Variants in IGFBP7 observed in about 807,000 individuals in gnomAD.
The protein encoded by IGFBP7 is insulin like growth factor binding protein 7, also known as insulin-like growth factor-binding protein 7.
A neutral mutation model predicts 29.4 loss-of-function variants in IGFBP7; 31 were observed. That is an observed-to-expected ratio of 1.05 (90% CI 0.79 to 1.42). The LOEUF (loss-of-function observed/expected upper bound fraction) is 1.42. IGFBP7 is among the 40% of genes most tolerant of loss of function. IGFBP7 has a pLI of 0.00. For missense variants in IGFBP7, 393 were observed against 395.5 expected (o/e 0.99, Z 0.05); for synonymous variants, 172 against 174.9 (o/e 0.98, Z 0.13).
chr4:57,105,539 A>T (rs1394892904), intron 1 of IGFBP7, among the ~76,000 whole-genome samples: 2 of 152,254 alleles, frequency 1.3e-5, no homozygotes, highest in African/African-American at 2.4e-5. Flanking sequence ...TTCTATGGAT[A>T]ATATTCATGA....
At chr4:57,041,949 A>T (rs1486486612) in intron 1 of IGFBP7, among the ~76,000 whole-genome samples, 5 of 152,108 alleles carry the variant, frequency 3.3e-5, no homozygotes, top group Admixed American at 3.3e-4. Flanking sequence ...AGAGTGACTG[A>T]TCTATTGGGT....
intron 1 of IGFBP7, among the ~76,000 whole-genome samples, chr4:57,074,512 C>T (rs900357521): frequency 1.3e-5 from 2 of 152,206 alleles, no homozygotes; most frequent in Non-Finnish European, 1.5e-5. Context: ...ATAGGCTTCA[C>T]CCATTTCTCT....
rs530436538 is a variant in IGFBP7, at chr4:57,086,131, C to T, written c.475+23746G>A. Among the ~76,000 whole-genome samples, 10 of 152,320 alleles carry T rather than the reference C, an allele frequency of 6.6e-5. 1 individual carries two copies. The South Asian group carries it at 2.1e-3, about 32-fold the overall frequency. On this transcript the variant is annotated intron_variant, in intron 1 of 4. Transcript: ENST00000295666. ...AGGCAAAGGAGGAGCAAAGGTACAT[C>T]TTACATGGTGTCAGGCAAGAGAGCA...
chr4:57,076,137 C>T (rs757835488), intron 1 of IGFBP7, among the ~76,000 whole-genome samples: 45 of 152,172 alleles, frequency 3.0e-4, no homozygotes, highest in Non-Finnish European at 5.0e-4. Flanking sequence ...AGATGGCTGC[C>T]TTCTTGCTGT....
intron 1 of IGFBP7, among the ~76,000 whole-genome samples, chr4:57,070,786 T>C (rs563489620): frequency 2.6e-5 from 4 of 152,330 alleles, no homozygotes; most frequent in South Asian, 4.1e-4. Context: ...GCAGGGGTAA[T>C]GAGCATTGGA....
At chr4:57,103,074 C>T (rs968208243) in intron 1 of IGFBP7, among the ~76,000 whole-genome samples, 1 of 152,174 alleles carries the variant, frequency 6.6e-6, no homozygotes, top group Admixed American at 6.5e-5. Context: ...TTTTCACTCC[C>T]AAGTAGCAAG....
chr4:57,032,569 A>G lies in IGFBP7; in HGVS notation c.703-17T>C, dbSNP rs371869416. On this transcript the variant is annotated splice_polypyrimidine_tract_variant and intron_variant, in intron 3 of 4. Coordinates refer to ENST00000295666, the MANE Select transcript of IGFBP7 (RefSeq NM_001553.3). ...AGGAGATACCTGTGAAAGAAAAAAG[A>G]TCTAGTATTCCTCTGTGGTGGTCTT... 6.3e-7 allele frequency: 1 copy of G among 1,586,768 alleles called. No individual in the cohort carries two copies. The highest frequency in any genetic ancestry group is 8.7e-7 in the Non-Finnish European group (1 of 1,155,002).
intron 2 of IGFBP7, among the ~76,000 whole-genome samples, chr4:57,035,252 A>C (rs1724055108): frequency 6.6e-6 from 1 of 152,226 alleles, no homozygotes; most frequent in Non-Finnish European, 1.5e-5. Context: ...ATTTAACATA[A>C]ATCACAATAT....
intron 1 of IGFBP7, among the ~76,000 whole-genome samples, chr4:57,067,691 A>G (rs1255655008): frequency 6.6e-6 from 1 of 152,216 alleles, no homozygotes; most frequent in East Asian, 1.9e-4. Flanking sequence ...TTCTATCACA[A>G]AACACATCAA....
At chr4:57,087,439 T>C (rs1457592188) in intron 1 of IGFBP7, among the ~76,000 whole-genome samples, 2 of 152,246 alleles carry the variant, frequency 1.3e-5, no homozygotes, top group African/African-American at 2.4e-5. Context: ...TAAAATACTT[T>C]ATATTTTGCT....
rs1396756309 is a variant in IGFBP7, at chr4:57,073,640, C to G, written c.476-32707G>C. 2.0e-5 allele frequency among the ~76,000 whole-genome samples: 3 copies of G among 151,830 alleles called. No individual in the cohort carries two copies. The East Asian group carries it at 5.8e-4, about 29-fold the overall frequency. On this transcript the variant is annotated intron_variant, in intron 1 of 4. Coordinates refer to ENST00000295666, the MANE Select transcript of IGFBP7 (RefSeq NM_001553.3). Reference sequence around the variant, plus strand: ...ATAAATAAATAACAACAAAATGCCCCAGAACTGCCCAAGATTACTAGTGTC... The same window carrying G: ...ATAAATAAATAACAACAAAATGCCCGAGAACTGCCCAAGATTACTAGTGTC...
intron 1 of IGFBP7, among the ~76,000 whole-genome samples, chr4:57,096,970 T>C (rs1168680963): frequency 6.6e-6 from 1 of 152,260 alleles, no homozygotes; most frequent in Admixed American, 6.5e-5. Context: ...AAGCCAAAGA[T>C]AATACTCAAT....
At chr4:57,059,183 A>G (rs544070008) in intron 1 of IGFBP7, among the ~76,000 whole-genome samples, 2 of 152,182 alleles carry the variant, frequency 1.3e-5, no homozygotes, top group Non-Finnish European at 2.9e-5. Context: ...GGAAAGCAGT[A>G]TGGCGACTCC....
At chr4:57,066,512 G>C (rs1272041387) in intron 1 of IGFBP7, among the ~76,000 whole-genome samples, 1 of 152,064 alleles carries the variant, frequency 6.6e-6, no homozygotes, top group Non-Finnish European at 1.5e-5. Flanking sequence ...AGGCTGCTAA[G>C]TTTTGGACTA....
At chr4:57,086,408 C>A (rs568135762) in intron 1 of IGFBP7, among the ~76,000 whole-genome samples, 1 of 152,176 alleles carries the variant, frequency 6.6e-6, no homozygotes, top group Non-Finnish European at 1.5e-5. Flanking sequence ...CCCTTCCACC[C>A]TTTGGGTCCC....
chr4:57,056,852 C>T (rs896261662), intron 1 of IGFBP7, among the ~76,000 whole-genome samples: 1 of 152,240 alleles, frequency 6.6e-6, no homozygotes, highest in Non-Finnish European at 1.5e-5. Context: ...GAAATCTCTG[C>T]ATTGGCACTT....
chr4:57,047,356 GA>G (rs1159650058), intron 1 of IGFBP7, among the ~76,000 whole-genome samples: 1 of 152,162 alleles, frequency 6.6e-6, no homozygotes, highest in African/African-American at 2.4e-5. Context: ...CAGCCTCATG[GA>G]GCTGTGAGTC....
In IGFBP7 at chr4:57,031,084, T is replaced by C; in HGVS notation, c.*233A>G. ...ATGACAAATATGTACTGTGTTGTGA[T>C]AAAAAGTATTTTATTTGTTTAATGA... On this transcript the variant is annotated 3_prime_UTR_variant, in exon 5 of 5. Coordinates refer to ENST00000295666, the MANE Select transcript of IGFBP7 (RefSeq NM_001553.3). 1 of 813,160 alleles carries C rather than the reference T, an allele frequency of 1.2e-6. No homozygotes were observed. Among genetic ancestry groups the C allele is most frequent in the Non-Finnish European group, 2.1e-6 (1 of 480,166 alleles). The allele number at this position is 813,160 out of a possible 1,614,324, so 50.4% of individuals were successfully genotyped here.
chr4:57,072,678 A>C, intron 1 of IGFBP7: 1 of 377,864 alleles, frequency 2.6e-6, no homozygotes, highest in Non-Finnish European at 5.1e-6. Context: ...GCTGCCCGGT[A>C]CCTTGTGGGC....
Sources: gnomAD v4.1 joint callset for allele counts (sites outside exome capture counted in the v4.1 genomes callset) on GRCh38, gnomAD v4.1.1 for gene constraint, MANE v1.5 for transcripts, NCBI Gene and HGNC (gene_info 2026-07-23, HGNC 2026-07-21) for gene names.